Variants in RASSF3 observed in about 807,000 individuals in gnomAD.
RASSF3 encodes ras association domain-containing protein 3.
RASSF3 carries 19 observed loss-of-function variants against 19.9 expected under a neutral mutation model. The ratio of observed to expected loss-of-function variants is 0.96; its 90% CI spans 0.67 to 1.40. The LOEUF is 1.40. RASSF3 is among the 40% of genes most tolerant of loss of function. RASSF3 has a pLI of 0.00. For missense variants in RASSF3, 306 were observed against 289.8 expected, an observed-to-expected ratio of 1.06 and a Z score of -0.41; for synonymous variants, 110 against 104.2, an observed-to-expected ratio of 1.06 and a Z score of -0.34.
intron 1 of RASSF3, among the ~76,000 whole-genome samples, chr12:64,667,958 G>A (rs560141730): frequency 6.6e-6 from 1 of 152,304 alleles, no homozygotes; most frequent in South Asian, 2.1e-4. Flanking sequence ...CCAAGGTCAC[G>A]CAGATAGCTG....
intron 1 of RASSF3, among the ~76,000 whole-genome samples, chr12:64,656,701 C>A (rs1872171763): frequency 6.6e-6 from 1 of 152,194 alleles, no homozygotes; most frequent in Non-Finnish European, 1.5e-5. Flanking sequence ...GAAGCCCCAT[C>A]AGGCAAAAAC....
intron 2 of RASSF3, among the ~76,000 whole-genome samples, chr12:64,564,058 C>T (rs1364481780): frequency 1.3e-5 from 2 of 152,142 alleles, no homozygotes; most frequent in Non-Finnish European, 2.9e-5. Flanking sequence ...CTTTGATGTA[C>T]ATGGTCCCCT....
intron 2 of RASSF3, among the ~76,000 whole-genome samples, chr12:64,597,165 C>T (rs1870011090): frequency 6.6e-6 from 1 of 151,458 alleles, no homozygotes; most frequent in Non-Finnish European, 1.5e-5. Flanking sequence ...TGGAGCCTTG[C>T]TCTGTTGCCC....
chr12:64,581,432 T>C (rs1869694504), intron 2 of RASSF3, among the ~76,000 whole-genome samples: 1 of 152,114 alleles, frequency 6.6e-6, no homozygotes, highest in Non-Finnish European at 1.5e-5. Context: ...AACTTGAAAG[T>C]AGTCATGCTT....
chr12:64,594,978 G>C (rs1261618208), intron 2 of RASSF3, among the ~76,000 whole-genome samples: 1 of 148,242 alleles, frequency 6.7e-6, no homozygotes, highest in South Asian at 2.1e-4. Flanking sequence ...CAAAGACACA[G>C]ACACACACAC....
intron 2 of RASSF3, among the ~76,000 whole-genome samples, chr12:64,564,086 C>A (rs77137823): frequency 3.3e-5 from 5 of 152,078 alleles, no homozygotes; most frequent in Admixed American, 1.3e-4. Flanking sequence ...AATGTCATTG[C>A]GGATTTTGAT....
upstream of RASSF3, among the ~76,000 whole-genome samples, chr12:64,530,980 T>TTTAC (rs1868695309): frequency 6.6e-6 from 1 of 152,224 alleles, no homozygotes; most frequent in Admixed American, 6.5e-5. Flanking sequence ...TTTGCAAATA[T>TTTAC]TTACTTTCAG....
intron 2 of RASSF3, among the ~76,000 whole-genome samples, chr12:64,577,660 AGGCAGGGGT>A (rs1444927336): frequency 6.6e-6 from 1 of 152,178 alleles, no homozygotes; most frequent in African/African-American, 2.4e-5. Context: ...TGAACCCAGG[AGGCAGGGGT>A]GGCAGCGAGC....
chr12:64,612,576 A>G (rs59517579), intron 1 of RASSF3, among the ~76,000 whole-genome samples: 10,342 of 150,770 alleles, frequency 0.069, 1,015 homozygotes, highest in African/African-American at 0.22. Context: ...CCCTGGTTCA[A>G]GCGATTCCCT....
Position 64,678,611 on chromosome 12 carries a change from G to A in RASSF3, c.112-6176G>A, listed in dbSNP as rs1474278095. Among the ~76,000 whole-genome samples the A allele has an allele frequency of 4.0e-4, 55 of 137,086 alleles. No individual in the cohort carries two copies. In the Admixed American group the frequency reaches 4.3e-3, roughly 11 times the overall value. 89.9% of individuals were successfully genotyped at this position (137,086 alleles called of 152,430 possible). A position where few individuals can be genotyped will look rare whatever the true frequency, so the allele number is the denominator to read the frequency against. On this transcript the variant is annotated intron_variant, in intron 1 of 4. Coordinates refer to ENST00000542104, the MANE Select transcript of RASSF3 (RefSeq NM_178169.4). The stretch of plus-strand genomic sequence containing the variant: ...TTTTTTGTTTGTTTGTTTGTTTTTG[G>A]TAAAAGGTCTTTATTTTTTAAAGAG...
At chr12:64,608,093 A>AT (rs565114792), upstream of RASSF3, among the ~76,000 whole-genome samples, 64 of 150,674 alleles carry the variant, frequency 4.2e-4, no homozygotes, top group Middle Eastern at 3.4e-3. Context: ...TAAAAAAATC[A>AT]TTTTTTTTTA....
At chr12:64,673,670 C>T (rs1177900284) in intron 1 of RASSF3, among the ~76,000 whole-genome samples, 1 of 152,120 alleles carries the variant, frequency 6.6e-6, no homozygotes. Flanking sequence ...TTTGGATGTG[C>T]GTGGCTCGGA....
At chr12:64,637,587 G>A (rs1251923154) in intron 1 of RASSF3, among the ~76,000 whole-genome samples, 1 of 151,578 alleles carries the variant, frequency 6.6e-6, no homozygotes, top group Non-Finnish European at 1.5e-5. Flanking sequence ...GTGCCACCAT[G>A]CCTGGCTAGT....
chr12:64,540,180 C>A (rs1463778253), intron 1 of RASSF3, among the ~76,000 whole-genome samples: 3 of 152,146 alleles, frequency 2.0e-5, no homozygotes, highest in Non-Finnish European at 1.5e-5. Context: ...GTGAAGTTTA[C>A]AACTGAAGCC....
At chr12:64,607,242 C>T (rs1270648743), upstream of RASSF3, among the ~76,000 whole-genome samples, 1 of 151,104 alleles carries the variant, frequency 6.6e-6, no homozygotes. Context: ...CAACATGGCA[C>T]CACTGCACTC....
chr12:64,604,897 TTACA>T, intron 2 of RASSF3, among the ~76,000 whole-genome samples: 1 of 152,122 alleles, frequency 6.6e-6, no homozygotes, highest in African/African-American at 2.4e-5. Context: ...AGTGCCGGGA[TTACA>T]GGCGTGAGCC....
At chr12:64,569,962 T>A (rs1869491922) in intron 2 of RASSF3, among the ~76,000 whole-genome samples, 2 of 152,156 alleles carry the variant, frequency 1.3e-5, no homozygotes, top group Admixed American at 1.3e-4. Context: ...TGAAACTCTG[T>A]CTCAAAACAA....
At chr12:64,677,926 G>T (rs1006599755) in intron 1 of RASSF3, among the ~76,000 whole-genome samples, 5 of 152,250 alleles carry the variant, frequency 3.3e-5, no homozygotes, top group African/African-American at 1.2e-4. Context: ...CACACTGCTT[G>T]CTCTGTAGCT....
intron 2 of RASSF3, among the ~76,000 whole-genome samples, chr12:64,575,445 C>T (rs561973037): frequency 2.0e-4 from 30 of 152,054 alleles, no homozygotes; most frequent in African/African-American, 6.5e-4. Flanking sequence ...CCCAGCTACT[C>T]GGGAGGCTGA....
Sources: gnomAD v4.1 joint callset for allele counts (sites outside exome capture counted in the v4.1 genomes callset) on GRCh38, gnomAD v4.1.1 for gene constraint, MANE v1.5 for transcripts, NCBI Gene and HGNC (gene_info 2026-07-23, HGNC 2026-07-21) for gene names.